The following TCP11L2 variants were observed in gnomAD, a reference collection of about 807,000 sequenced individuals.
The protein encoded by TCP11L2 is t-complex 11 like 2, also known as T-complex protein 11-like protein 2.
A neutral mutation model predicts 50.7 loss-of-function variants in TCP11L2; 39 were observed. That is an observed-to-expected ratio of 0.77 (90% CI 0.60 to 1.01). TCP11L2 has a LOEUF of 1.01. TCP11L2 is among the 50% of genes least tolerant of loss of function. The pLI is 0.00. For synonymous variants in TCP11L2, 192 were observed against 219.3 expected (o/e 0.88, Z 1.10); for missense variants, 612 against 614.7 (o/e 1.00, Z 0.05).
chr12:106,318,289 A>G lies in TCP11L2; in HGVS notation c.294-55A>G, dbSNP rs2035177547. ...TTTCTACAATGAGGATGTTTCTTTTATAATCAGGAAAAAGTTATGCTTATT... is the reference window on the plus strand; with the variant it reads ...TTTCTACAATGAGGATGTTTCTTTTGTAATCAGGAAAAAGTTATGCTTATT... On this transcript the variant is annotated intron_variant, in intron 3 of 9. Transcript: ENST00000299045. The G allele has an allele frequency of 2.5e-6, 4 of 1,580,848 alleles. No individual in the cohort carries two copies. The Admixed American group carries it at 7.0e-5, about 28-fold the overall frequency.
At chr12:106,303,092 C>G (rs1435605658) in intron 1 of TCP11L2, 151 bp downstream of exon 1, 1 of 152,350 alleles carries the variant, frequency 6.6e-6, no homozygotes, top group African/African-American at 2.4e-5. Context: ...AGCTCGGCTC[C>G]TAGTTCATGT....
chr12:106,315,823 A>C (rs932061172), intron 3 of TCP11L2, among the ~76,000 whole-genome samples: 1 of 152,214 alleles, frequency 6.6e-6, no homozygotes, highest in East Asian at 1.9e-4. Flanking sequence ...CTATTATTAC[A>C]GATCAGTCGT....
At chr12:106,303,962 G>A (rs2034526348) in intron 1 of TCP11L2, 1 of 152,216 alleles carries the variant, frequency 6.6e-6, no homozygotes, top group Non-Finnish European at 1.5e-5. Flanking sequence ...CCCAGTGGGT[G>A]TCTCAGCACC....
In TCP11L2 at chr12:106,337,953, A is replaced by G. The variant is rs139887202; in HGVS notation, c.1142+1740A>G. Among the ~76,000 whole-genome samples the G allele has an allele frequency of 3.5e-3, 532 of 152,222 alleles. 7 individuals are homozygous for G. The highest frequency in any genetic ancestry group is 0.017 in the East Asian group (87 of 5,178). On this transcript the variant is annotated intron_variant, in intron 8 of 9. Transcript: ENST00000299045. The stretch of plus-strand genomic sequence containing the variant: ...ATACAATCAATTCTCAATTATCCTC[A>G]TTACGGATGGGGCAATAGCATTCAT...
intron 2 of TCP11L2, among the ~76,000 whole-genome samples, chr12:106,312,635 C>A (rs1315147170): frequency 6.6e-6 from 1 of 152,210 alleles, no homozygotes; most frequent in East Asian, 1.9e-4. Flanking sequence ...GTAATCCCAG[C>A]ACTTTGAGAG....
intron 3 of TCP11L2, among the ~76,000 whole-genome samples, chr12:106,316,160 AGG>A (rs2035071568): frequency 6.6e-6 from 1 of 152,266 alleles, no homozygotes; most frequent in South Asian, 2.1e-4. Flanking sequence ...CTACAGCCCT[AGG>A]CTAGGCCACC....
chr12:106,323,614 C>T lies in TCP11L2; in HGVS notation c.740C>T (p.Thr247Ile). The T allele has an allele frequency of 6.2e-7, 1 of 1,601,030 alleles. No individual in the cohort carries two copies. Among genetic ancestry groups the T allele is most frequent in the Middle Eastern group, 1.7e-4 (1 of 6,018 alleles). ...LQRQLVEYER[T>I]KFQEILEETP... ...CGCCAGTTGGTGGAATATGAGAGAA[C>T]CAAGTTCCAGGAAATTTTGGAAGAA... is the stretch of plus-strand genomic sequence containing the variant. Residue 247 changes from threonine to isoleucine, a missense_variant, in exon 6 of 10, where the codon ACC (threonine) becomes ATC (isoleucine). Transcript: ENST00000299045.
Position 106,311,033 on chromosome 12 carries a change from C to T in TCP11L2, c.-35-8C>T. The T allele has an allele frequency of 6.2e-7, 1 of 1,601,636 alleles. No homozygotes were observed. The highest frequency in any genetic ancestry group is 1.7e-5 in the Admixed American group (1 of 59,368). On this transcript the variant is annotated splice_polypyrimidine_tract_variant and splice_region_variant and intron_variant, in intron 1 of 9. Transcript: ENST00000299045. Reference sequence around the variant, plus strand: ...GAACATTGACGCAGGGTCTGTTTGTCTGTGCAGGTGCTACCTTTTTACCCA... The same window carrying T: ...GAACATTGACGCAGGGTCTGTTTGTTTGTGCAGGTGCTACCTTTTTACCCA...
chr12:106,313,764 ATTTTT>A (rs34867730), intron 2 of TCP11L2, among the ~76,000 whole-genome samples: 1 of 113,890 alleles, frequency 8.8e-6, no homozygotes. Context: ...AGGTAATTTA[ATTTTT>A]TTTTTTTTTT....
chr12:106,316,856 G>A (rs1433606297), intron 3 of TCP11L2, among the ~76,000 whole-genome samples: 1 of 152,086 alleles, frequency 6.6e-6, no homozygotes, highest in Non-Finnish European at 1.5e-5. Context: ...TTTTGAGATG[G>A]AGTCTTGTTT....
In TCP11L2 at chr12:106,346,299, G is replaced by A; in HGVS notation, c.1329G>A (p.Lys443=). 5 of 1,609,106 alleles carry A rather than the reference G, an allele frequency of 3.1e-6. No homozygotes were observed. The highest frequency in any genetic ancestry group is 4.2e-6 in the Non-Finnish European group (5 of 1,177,074). ...PIWSLIDKRI[K]LYMRRLLCLP... ...TTTCCCCTTCAGATAAACGAATTAAGCTTTACATGAGAAGGCTACTTTGTC... is the reference window on the plus strand; with the variant it reads ...TTTCCCCTTCAGATAAACGAATTAAACTTTACATGAGAAGGCTACTTTGTC... The change falls in exon 10 of 10, where the codon AAG becomes AAA. Residue 443 remains lysine, a synonymous_variant. Coordinates refer to ENST00000299045, the MANE Select transcript of TCP11L2 (RefSeq NM_152772.3).
chr12:106,307,904 G>T (rs907880477), intron 1 of TCP11L2, among the ~76,000 whole-genome samples: 3 of 152,134 alleles, frequency 2.0e-5, no homozygotes, highest in Non-Finnish European at 4.4e-5. Context: ...CATGTATTGG[G>T]TACCTGAAAT....
chr12:106,343,750 G>T (rs2036155649), intron 9 of TCP11L2, among the ~76,000 whole-genome samples: 1 of 151,654 alleles, frequency 6.6e-6, no homozygotes. Context: ...TGCCTCCTGG[G>T]TTCAAGAAGA....
At chr12:106,340,058 C>T (rs1470360715) in intron 8 of TCP11L2, among the ~76,000 whole-genome samples, 5 of 152,180 alleles carry the variant, frequency 3.3e-5, no homozygotes, top group Non-Finnish European at 7.3e-5. Flanking sequence ...CAACTCGCTC[C>T]GTTATACTGC....
chr12:106,301,479 C>T (rs2034412761), upstream of TCP11L2, among the ~76,000 whole-genome samples: 1 of 152,206 alleles, frequency 6.6e-6, no homozygotes, highest in Non-Finnish European at 1.5e-5. Context: ...TAGTGAATGT[C>T]AGAGCCAGGA....
chr12:106,298,462 G>A (rs2034376051), upstream of TCP11L2, among the ~76,000 whole-genome samples: 1 of 152,046 alleles, frequency 6.6e-6, no homozygotes, highest in African/African-American at 2.4e-5. Context: ...ACCTGAAGAT[G>A]GACAGGGGAG....
At chr12:106,343,464 A>G (rs1325612581) in intron 9 of TCP11L2, among the ~76,000 whole-genome samples, 2 of 152,100 alleles carry the variant, frequency 1.3e-5, no homozygotes, top group African/African-American at 2.4e-5. Context: ...TTCCTCTGCT[A>G]AGGGTACCCA....
chr12:106,327,924 C>T (rs768676178), intron 6 of TCP11L2, among the ~76,000 whole-genome samples: 7 of 152,202 alleles, frequency 4.6e-5, no homozygotes, highest in Non-Finnish European at 8.8e-5. Context: ...AAGATAACCA[C>T]ATTAGATCCA....
chr12:106,321,393 G>T, intron 4 of TCP11L2, 93 bp from the exon 5 acceptor site: 1 of 1,098,916 alleles, frequency 9.1e-7, no homozygotes, highest in Admixed American at 2.1e-5. Context: ...ACTAAAATGT[G>T]GGCAAAGAGC....
Sources: allele counts gnomAD v4.1 joint callset (sites outside exome capture counted in the v4.1 genomes callset), GRCh38; gene constraint gnomAD v4.1.1; transcripts MANE v1.5; gene names NCBI Gene and HGNC (gene_info 2026-07-23, HGNC 2026-07-21).